RPS6KC1: variants seen among roughly 807,000 people sequenced by gnomAD.
RPS6KC1 encodes the protein inactive ribosomal protein S6 kinase delta-1.
Under a neutral mutation model 103.8 loss-of-function variants are expected in RPS6KC1, and 54 were observed. The ratio of observed to expected loss-of-function variants is 0.52; its 90% confidence interval spans 0.42 to 0.65. The LOEUF is 0.65. Ranked by LOEUF, RPS6KC1 falls within the 30% of genes least tolerant of loss-of-function variation. RPS6KC1 has a pLI of 0.00. For synonymous variants in RPS6KC1, 439 were observed against 438.7 expected (o/e 1.00, Z -0.01); for missense variants, 1,151 against 1,253.8 (o/e 0.92, Z 1.24).
chr1:213,372,196 G>A, the RPS6KC1 span, among the ~76,000 whole-genome samples: 1 of 152,222 alleles, frequency 6.6e-6, no homozygotes, highest in African/African-American at 2.4e-5. Context: ...GTGCAGGTGG[G>A]TGCTGCTGAG....
intron 14 of RPS6KC1, among the ~76,000 whole-genome samples, chr1:213,269,408 T>C (rs534164719): frequency 6.6e-6 from 1 of 152,298 alleles, no homozygotes; most frequent in African/African-American, 2.4e-5. Flanking sequence ...GCAAGGACAT[T>C]GAAGACTTGA....
chr1:213,252,478 A>G (rs2094563115), intron 12 of RPS6KC1, among the ~76,000 whole-genome samples: 1 of 152,220 alleles, frequency 6.6e-6, no homozygotes, highest in Non-Finnish European at 1.5e-5. Context: ...CACTTAAAGA[A>G]TTTATAGAAA....
chr1:213,737,906 T>C, the RPS6KC1 span, among the ~76,000 whole-genome samples: 103 of 152,250 alleles, frequency 6.8e-4, no homozygotes, highest in Non-Finnish European at 3.4e-4. Flanking sequence ...CATCTTGGAA[T>C]GCTAATCTCG....
the RPS6KC1 span, among the ~76,000 whole-genome samples, chr1:213,375,016 T>C: frequency 1.3e-5 from 2 of 151,420 alleles, no homozygotes; most frequent in East Asian, 3.9e-4. Context: ...TACACACACA[T>C]ACATACACAT....
the RPS6KC1 span, among the ~76,000 whole-genome samples, chr1:213,358,311 G>C: frequency 1.3e-5 from 2 of 152,102 alleles, no homozygotes; most frequent in Non-Finnish European, 2.9e-5. Flanking sequence ...CAATTTCCGA[G>C]CCTGTTTTTG....
At chr1:213,514,088 T>C in the RPS6KC1 span, among the ~76,000 whole-genome samples, 1 of 152,226 alleles carries the variant, frequency 6.6e-6, no homozygotes, top group Non-Finnish European at 1.5e-5. Context: ...TTTCCTGGTT[T>C]ATTTTGGTCC....
chr1:213,648,147 A>T, the RPS6KC1 span, among the ~76,000 whole-genome samples: 8 of 152,186 alleles, frequency 5.3e-5, no homozygotes, highest in African/African-American at 1.9e-4. Flanking sequence ...GAAACCATGA[A>T]CTACCTCAAA....
the RPS6KC1 span, among the ~76,000 whole-genome samples, chr1:213,325,500 G>C: frequency 2.0e-4 from 31 of 152,326 alleles, no homozygotes; most frequent in Non-Finnish European, 3.7e-4. Flanking sequence ...TAGGGTACGC[G>C]CTCCATGCAC....
the RPS6KC1 span, among the ~76,000 whole-genome samples, chr1:213,493,630 T>C: frequency 6.6e-6 from 1 of 152,204 alleles, no homozygotes; most frequent in African/African-American, 2.4e-5. Flanking sequence ...AGTGCCAACC[T>C]AAAATGTAGA....
At chr1:213,534,626 C>T in the RPS6KC1 span, among the ~76,000 whole-genome samples, 1 of 152,304 alleles carries the variant, frequency 6.6e-6, no homozygotes, top group Admixed American at 6.5e-5. Flanking sequence ...AGAGTTCCTT[C>T]CTCCCATGGA....
At chr1:213,465,111 T>C in the RPS6KC1 span, among the ~76,000 whole-genome samples, 1 of 152,190 alleles carries the variant, frequency 6.6e-6, no homozygotes, top group African/African-American at 2.4e-5. Context: ...GATTTATCTG[T>C]AGGATCATCC....
intron 8 of RPS6KC1, among the ~76,000 whole-genome samples, chr1:213,182,596 C>T (rs922259310): frequency 4.6e-5 from 7 of 151,514 alleles, no homozygotes; most frequent in African/African-American, 1.7e-4. Flanking sequence ...AAACAGAACG[C>T]AAAATATAAC....
At chr1:213,428,480 C>CCTGCCTGCCTTCCTT in the RPS6KC1 span, among the ~76,000 whole-genome samples, 1 of 28,474 alleles carries the variant, frequency 3.5e-5, no homozygotes, top group Non-Finnish European at 6.1e-5. Flanking sequence ...CTCCCTCCCT[C>CCTGCCTGCCTTCCTT]CCTTCCTTCC....
At chr1:213,813,908 G>T in the RPS6KC1 span, among the ~76,000 whole-genome samples, 1 of 152,276 alleles carries the variant, frequency 6.6e-6, no homozygotes, top group Non-Finnish European at 1.5e-5. Context: ...TGAATTTGAA[G>T]TTTTACATAG....
At chr1:213,622,916 G>A in the RPS6KC1 span, among the ~76,000 whole-genome samples, 1 of 152,124 alleles carries the variant, frequency 6.6e-6, no homozygotes, top group Non-Finnish European at 1.5e-5. Flanking sequence ...AAGCCACGGC[G>A]TGAGTCCAGG....
chr1:213,499,360 C>A, the RPS6KC1 span, among the ~76,000 whole-genome samples: 1 of 152,164 alleles, frequency 6.6e-6, no homozygotes, highest in Non-Finnish European at 1.5e-5. Flanking sequence ...CCCCGGCCCC[C>A]AACCTTTTTG....
the RPS6KC1 span, among the ~76,000 whole-genome samples, chr1:213,605,795 A>G: frequency 6.6e-6 from 1 of 152,208 alleles, no homozygotes; most frequent in Non-Finnish European, 1.5e-5. Context: ...GAGAGCAAGG[A>G]CGACACTCCC....
chr1:213,079,918 C>CTTT (rs550713502), intron 3 of RPS6KC1, among the ~76,000 whole-genome samples: 2 of 130,182 alleles, frequency 1.5e-5, no homozygotes, highest in East Asian at 2.2e-4. Flanking sequence ...TTCTTTTTTT[C>CTTT]TTTTTTTTTT....
At chr1:213,380,583 C>T in the RPS6KC1 span, among the ~76,000 whole-genome samples, 1 of 151,904 alleles carries the variant, frequency 6.6e-6, no homozygotes, top group Non-Finnish European at 1.5e-5. Flanking sequence ...TAACTATGTG[C>T]GGTGATAGGT....
Sources: allele counts gnomAD v4.1 joint callset (sites outside exome capture counted in the v4.1 genomes callset), GRCh38; gene constraint gnomAD v4.1.1; transcripts MANE v1.5; gene names NCBI Gene and HGNC (gene_info 2026-07-23, HGNC 2026-07-21).